The following PRR5L variants were observed in gnomAD, a reference collection of about 807,000 sequenced individuals.
The protein encoded by PRR5L is proline-rich protein 5-like.
PRR5L carries 21 observed loss-of-function variants against 36.4 expected under a neutral mutation model. That is an observed-to-expected ratio of 0.58 (90% CI 0.41 to 0.83). PRR5L has a LOEUF of 0.83. Among genes scored for constraint, PRR5L ranks in the 40% least tolerant of loss-of-function variants. The pLI is 0.00. For missense variants in PRR5L, 381 were observed against 473.3 expected (o/e 0.80, Z 1.81); for synonymous variants, 188 against 197.0 (o/e 0.95, Z 0.38).
intron 1 of PRR5L, among the ~76,000 whole-genome samples, chr11:36,400,044 C>T (rs974455679): frequency 5.3e-5 from 8 of 152,238 alleles, no homozygotes; most frequent in Admixed American, 2.6e-4. Flanking sequence ...CCTTTAACCG[C>T]GAAGCCATGA....
intron 7 of PRR5L, 98 bp from the exon 8 acceptor site, chr11:36,451,111 G>A (rs1267575117): frequency 4.8e-6 from 7 of 1,454,138 alleles, no homozygotes; most frequent in Middle Eastern, 1.8e-4. Context: ...ACACAGCCTT[G>A]TACATTGGAG....
chr11:36,414,145 C>T lies in PRR5L; in HGVS notation c.246-5110C>T, dbSNP rs1282231428. 7.3e-5 allele frequency among the ~76,000 whole-genome samples: 11 copies of T among 151,374 alleles called. No individual in the cohort carries two copies. In the South Asian group the frequency reaches 2.1e-3, roughly 29 times the overall value. On this transcript the variant is annotated intron_variant, in intron 3 of 8. Coordinates refer to ENST00000530639, the MANE Select transcript of PRR5L (RefSeq NM_001160167.2). Reference sequence around the variant, plus strand: ...ACATTTGGGTTGGTTCCAAGTCTTTCCTATTGTGAATAGTGCCACAGTAAA... The same window carrying T: ...ACATTTGGGTTGGTTCCAAGTCTTTTCTATTGTGAATAGTGCCACAGTAAA...
At chr11:36,419,414 G>A (rs774622116) in intron 4 of PRR5L, 111 bp downstream of exon 4, 45 of 923,918 alleles carry the variant, frequency 4.9e-5, no homozygotes, top group African/African-American at 8.1e-5. Flanking sequence ...ACAAAATTAC[G>A]TATCTCAAGT....
intron 1 of PRR5L, among the ~76,000 whole-genome samples, chr11:36,388,687 GCT>G (rs1798208844): frequency 7.7e-6 from 1 of 129,270 alleles, no homozygotes; most frequent in African/African-American, 2.6e-5. Context: ...TTCAAGGTCG[GCT>G]CTTTCTTTCT....
At position 36,436,720 on chromosome 11, in the gene PRR5L, C is replaced by CT. The variant is rs1858612544; in HGVS notation, c.353-665_353-664insT. 3.9e-5 allele frequency among the ~76,000 whole-genome samples: 6 copies of CT among 152,142 alleles called. No homozygotes were observed. The South Asian group carries it at 8.3e-4, about 21-fold the overall frequency. ...ACATGATCTTCCTGGATAAGATTGG[C>CT]CAAGAGCATGGGTTCTGGAATCACA... On this transcript the variant is annotated intron_variant, in intron 5 of 8. Transcript: ENST00000530639.
intron 1 of PRR5L, among the ~76,000 whole-genome samples, chr11:36,329,556 A>G (rs1301307002): frequency 6.6e-6 from 1 of 152,370 alleles, no homozygotes; most frequent in South Asian, 2.1e-4. Flanking sequence ...TTTTGCTCAA[A>G]GATAATCAAA....
At position 36,465,161 on chromosome 11, in the gene PRR5L, C is replaced by CTGTT. The variant is rs1859270772; in HGVS notation, c.*2427_*2430dup. 2 of 152,126 alleles carry CTGTT rather than the reference C, an allele frequency of 1.3e-5. No individual in the cohort carries two copies. The highest frequency in any genetic ancestry group is 4.8e-5 in the African/African-American group (2 of 41,424). 9.4% of individuals were successfully genotyped at this position (152,126 alleles called of 1,614,324 possible). A position where few individuals can be genotyped will look rare whatever the true frequency, so the allele number is the denominator to read the frequency against. ...AGCTCACAGAAACCTTTCATGTTGT[C>CTGTT]TGTTTCCAAAATGGATTCAATAAAC... On this transcript the variant is annotated 3_prime_UTR_variant, in exon 9 of 9. Transcript: ENST00000530639.
At chr11:36,400,381 TGAGA>T (rs1857765121) in intron 1 of PRR5L, among the ~76,000 whole-genome samples, 2 of 152,322 alleles carry the variant, frequency 1.3e-5, no homozygotes, top group South Asian at 4.1e-4. Context: ...CTGAGTACCC[TGAGA>T]GCAGGGATTT....
intron 4 of PRR5L, among the ~76,000 whole-genome samples, chr11:36,423,255 G>T (rs534882101): frequency 2.0e-5 from 3 of 152,152 alleles, no homozygotes; most frequent in Non-Finnish European, 4.4e-5. Flanking sequence ...GTATGTGTAC[G>T]TGTGTGTGCA....
chr11:36,420,880 G>GACACACACACACACAC (rs1554928760), intron 4 of PRR5L, among the ~76,000 whole-genome samples: 1 of 99,190 alleles, frequency 1.0e-5, no homozygotes, highest in Non-Finnish European at 2.2e-5. Context: ...CACACACACG[G>GACACACACACACACAC]ACAGCTCCTC....
At chr11:36,304,830 G>T (rs61123574) in intron 1 of PRR5L, among the ~76,000 whole-genome samples, 2 of 152,078 alleles carry the variant, frequency 1.3e-5, no homozygotes, top group African/African-American at 4.8e-5. Flanking sequence ...ATGATGAGAC[G>T]CACTTTACAC....
chr11:36,362,616 G>C (rs1857102670), intron 1 of PRR5L, among the ~76,000 whole-genome samples: 1 of 152,110 alleles, frequency 6.6e-6, no homozygotes, highest in South Asian at 2.1e-4. Flanking sequence ...GTTTCTGTTT[G>C]AAAGCATAAT....
chr11:36,367,067 ATC>A (rs1857151783), intron 1 of PRR5L, among the ~76,000 whole-genome samples: 1 of 152,044 alleles, frequency 6.6e-6, no homozygotes. Context: ...TCTTGATTTT[ATC>A]TGTTTCTGAA....
chr11:36,408,774 A>T (rs1439395340), intron 3 of PRR5L, among the ~76,000 whole-genome samples: 2 of 152,168 alleles, frequency 1.3e-5, no homozygotes, highest in African/African-American at 4.8e-5. Flanking sequence ...CACTGATTTT[A>T]TGTAACCGAG....
chr11:36,360,734 T>C (rs1268610766), intron 1 of PRR5L, among the ~76,000 whole-genome samples: 1 of 152,238 alleles, frequency 6.6e-6, no homozygotes, highest in African/African-American at 2.4e-5. Context: ...TAAGTCATGC[T>C]TTTATCTTGT....
chr11:36,307,963 C>T (rs903154552), intron 1 of PRR5L, among the ~76,000 whole-genome samples: 2 of 152,190 alleles, frequency 1.3e-5, no homozygotes, highest in Admixed American at 6.5e-5. Flanking sequence ...CACAGGCACA[C>T]TGTATGTCTC....
At chr11:36,379,067 A>ACATGTAACATTCT (rs1341325523) in intron 1 of PRR5L, among the ~76,000 whole-genome samples, 1 of 152,228 alleles carries the variant, frequency 6.6e-6, no homozygotes, top group East Asian at 1.9e-4. Flanking sequence ...TATTGGGGAA[A>ACATGTAACATTCT]AAAGCCCTAA....
intron 1 of PRR5L, among the ~76,000 whole-genome samples, chr11:36,300,268 G>C (rs1435176321): frequency 6.6e-6 from 1 of 152,108 alleles, no homozygotes. Context: ...AGGCCTCAGG[G>C]AGTTTTACTC....
chr11:36,381,211 A>G (rs949702638), intron 1 of PRR5L, among the ~76,000 whole-genome samples: 1 of 152,078 alleles, frequency 6.6e-6, no homozygotes, highest in Non-Finnish European at 1.5e-5. Context: ...CTCTCCTTAC[A>G]TTACCTATTA....
Sources: gnomAD v4.1 joint callset for allele counts (sites outside exome capture counted in the v4.1 genomes callset) on GRCh38, gnomAD v4.1.1 for gene constraint, MANE v1.5 for transcripts, NCBI Gene and HGNC (gene_info 2026-07-23, HGNC 2026-07-21) for gene names.